The following LINGO2 variants were observed in gnomAD, a reference collection of about 807,000 sequenced individuals.
LINGO2 encodes the protein leucine-rich repeat and immunoglobulin-like domain-containing nogo receptor-interacting protein 2.
LINGO2 carries 14 observed loss-of-function variants against 30.6 expected under a neutral mutation model. That is an observed-to-expected ratio of 0.46 (90% confidence interval 0.30 to 0.72). LINGO2 has a LOEUF of 0.72. Ranked by LOEUF, LINGO2 falls within the 30% of genes least tolerant of loss-of-function variation. LINGO2 has a pLI of 0.07. For missense variants in LINGO2, 729 were observed against 751.7 expected (o/e 0.97, Z 0.35); for synonymous variants, 317 against 288.5 (o/e 1.10, Z -1.00).
intron 4 of LINGO2, among the ~76,000 whole-genome samples, chr9:28,180,831 A>G (rs1190698852): frequency 6.6e-6 from 1 of 151,072 alleles, no homozygotes; most frequent in Non-Finnish European, 1.5e-5. Flanking sequence ...TCACACATAG[A>G]CACACACACA....
chr9:28,878,357 AC>A, the LINGO2 span, among the ~76,000 whole-genome samples: 8 of 152,174 alleles, frequency 5.3e-5, no homozygotes, highest in African/African-American at 1.7e-4. Context: ...TAGCTTACCA[AC>A]CAAAAAGAGT....
At chr9:28,082,601 AC>A (rs919983079) in intron 4 of LINGO2, among the ~76,000 whole-genome samples, 1 of 152,148 alleles carries the variant, frequency 6.6e-6, no homozygotes, top group African/African-American at 2.4e-5. Context: ...GGCTTTGAAA[AC>A]TTTAAACTGG....
the LINGO2 span, among the ~76,000 whole-genome samples, chr9:28,931,491 T>C: frequency 6.6e-6 from 1 of 152,230 alleles, no homozygotes; most frequent in Non-Finnish European, 1.5e-5. Flanking sequence ...AGAGATCAGA[T>C]AGCCTGACTT....
chr9:28,925,752 G>C, the LINGO2 span, among the ~76,000 whole-genome samples: 1 of 152,136 alleles, frequency 6.6e-6, no homozygotes, highest in South Asian at 2.1e-4. Context: ...ACTTTGTAAG[G>C]ACAGCTGTTC....
At chr9:28,806,204 A>G in the LINGO2 span, among the ~76,000 whole-genome samples, 1 of 152,116 alleles carries the variant, frequency 6.6e-6, no homozygotes, top group African/African-American at 2.4e-5. Flanking sequence ...AATCTCCTCC[A>G]TTTCTGATTA....
chr9:29,091,570 G>C, the LINGO2 span, among the ~76,000 whole-genome samples: 1 of 151,814 alleles, frequency 6.6e-6, no homozygotes, highest in Non-Finnish European at 1.5e-5. Context: ...TACAAATCTG[G>C]GCACCTGAGA....
At chr9:29,076,888 T>C in the LINGO2 span, among the ~76,000 whole-genome samples, 1 of 151,910 alleles carries the variant, frequency 6.6e-6, no homozygotes, top group Non-Finnish European at 1.5e-5. Flanking sequence ...AAGTGCTATA[T>C]AAAAGTTTGG....
the LINGO2 span, among the ~76,000 whole-genome samples, chr9:28,770,499 T>C: frequency 0.016 from 2,470 of 152,272 alleles, 57 homozygotes; most frequent in African/African-American, 0.057. Context: ...CTGGTTGCTA[T>C]GTCATTTTAC....
intron 1 of LINGO2, among the ~76,000 whole-genome samples, chr9:28,642,448 C>G (rs987379853): frequency 6.6e-6 from 1 of 152,002 alleles, no homozygotes; most frequent in Non-Finnish European, 1.5e-5. Context: ...CATAGTTTAA[C>G]AAGAAACACA....
chr9:28,516,580 C>A (rs952876826), intron 1 of LINGO2, among the ~76,000 whole-genome samples: 1 of 152,032 alleles, frequency 6.6e-6, no homozygotes, highest in East Asian at 1.9e-4. Context: ...TTTTCCAAGT[C>A]TAAATAGGTG....
At chr9:28,949,465 G>A in the LINGO2 span, among the ~76,000 whole-genome samples, 1 of 151,954 alleles carries the variant, frequency 6.6e-6, no homozygotes, top group South Asian at 2.1e-4. Flanking sequence ...ACTACCATCA[G>A]AGAATACTGT....
At position 28,285,794 on chromosome 9, in the gene LINGO2, C is replaced by T. The variant is rs146517871; in HGVS notation, c.-87+9414G>A. Among the ~76,000 whole-genome samples the T allele has an allele frequency of 1.7e-3, 261 of 152,192 alleles. 1 individual carries two copies. Among genetic ancestry groups the T allele is most frequent in the African/African-American group, 6.0e-3 (249 of 41,540 alleles). On this transcript the variant is annotated intron_variant, in intron 4 of 5. Coordinates refer to ENST00000379992, the Ensembl canonical transcript of LINGO2. ...AACTTGATAGTTTATAGGTCAATCA[C>T]GACTTCTTATAGATTGCCTCCTCAA...
At chr9:28,412,918 C>T (rs138967952) in intron 2 of LINGO2, among the ~76,000 whole-genome samples, 4 of 152,132 alleles carry the variant, frequency 2.6e-5, no homozygotes, top group Non-Finnish European at 5.9e-5. Context: ...CTAACTCCTC[C>T]TCATACTCCT....
At chr9:28,306,645 T>A (rs945939152) in intron 3 of LINGO2, among the ~76,000 whole-genome samples, 1 of 152,010 alleles carries the variant, frequency 6.6e-6, no homozygotes, top group African/African-American at 2.4e-5. Flanking sequence ...CAGGAGCTGG[T>A]TTTTTGAAAG....
intron 1 of LINGO2, among the ~76,000 whole-genome samples, chr9:28,592,669 G>T (rs528169478): frequency 1.3e-5 from 2 of 152,158 alleles, no homozygotes; most frequent in African/African-American, 4.8e-5. Context: ...CCAAAGGTAT[G>T]GAGGTATGGG....
intron 5 of LINGO2, among the ~76,000 whole-genome samples, chr9:27,972,129 T>G (rs1356147636): frequency 1.3e-5 from 2 of 152,104 alleles, no homozygotes; most frequent in African/African-American, 2.4e-5. Flanking sequence ...GAGAAAGGAA[T>G]GAAAGGTACT....
At chr9:28,183,004 A>G (rs527861345) in intron 4 of LINGO2, among the ~76,000 whole-genome samples, 1 of 152,156 alleles carries the variant, frequency 6.6e-6, no homozygotes, top group South Asian at 2.1e-4. Flanking sequence ...AGACACATGC[A>G]CTCGTATGTT....
the LINGO2 span, among the ~76,000 whole-genome samples, chr9:29,033,358 T>A: frequency 7.1e-6 from 1 of 140,818 alleles, no homozygotes; most frequent in African/African-American, 2.5e-5. Context: ...AAATGTGTGA[T>A]TCTATATAAA....
At chr9:28,396,731 A>T (rs1431985352) in intron 2 of LINGO2, among the ~76,000 whole-genome samples, 1 of 132,732 alleles carries the variant, frequency 7.5e-6, no homozygotes, top group Non-Finnish European at 1.6e-5. Context: ...GTCCTGACCA[A>T]ATCAAAGGGT....
Sources: gnomAD v4.1 joint callset for allele counts (sites outside exome capture counted in the v4.1 genomes callset) on GRCh38, gnomAD v4.1.1 for gene constraint, MANE v1.5 for transcripts, NCBI Gene and HGNC (gene_info 2026-07-23, HGNC 2026-07-21) for gene names.